PCDHGB4: variants seen among roughly 807,000 people sequenced by gnomAD.
PCDHGB4 encodes protocadherin gamma subfamily B, 4.
In PCDHGB4, 38 loss-of-function variants were observed where a neutral mutation model predicts 60.5. That is an observed-to-expected ratio of 0.63 (90% CI 0.48 to 0.82). The LOEUF is 0.82. PCDHGB4 is among the 40% of genes least tolerant of loss of function. PCDHGB4 has a pLI of 0.00. For synonymous variants in PCDHGB4, 456 were observed against 509.7 expected (o/e 0.89, Z 1.42); for missense variants, 1,109 against 1,209.6 (o/e 0.92, Z 1.23).
At chr5:141,453,319 G>T (rs2098762311) in intron 1 of PCDHGB4, among the ~76,000 whole-genome samples, 1 of 151,492 alleles carries the variant, frequency 6.6e-6, no homozygotes, top group Admixed American at 6.6e-5. Flanking sequence ...TTATTTTAGA[G>T]ATGGGGTCTC....
At chr5:141,428,146 C>T (rs549173211) in intron 1 of PCDHGB4, 15 of 1,589,346 alleles carry the variant, frequency 9.4e-6, no homozygotes, top group East Asian at 2.2e-5. Context: ...GGGCTGCACA[C>T]GGGAACCTGC....
intron 1 of PCDHGB4, chr5:141,404,343 A>G (rs2094516679): frequency 3.1e-6 from 5 of 1,613,902 alleles, no homozygotes; most frequent in Non-Finnish European, 4.2e-6. Flanking sequence ...CTCCCGGAAA[A>G]CAACGCCAGA....
At chr5:141,510,286 A>G (rs1011677966) in intron 3 of PCDHGB4, among the ~76,000 whole-genome samples, 1 of 151,770 alleles carries the variant, frequency 6.6e-6, no homozygotes, top group African/African-American at 2.4e-5. Flanking sequence ...AAAAAAAAAA[A>G]AAAAATGCTG....
In PCDHGB4 at chr5:141,489,750, C is replaced by A. The variant is rs753217170; in HGVS notation, c.2398-5057C>A. 1 of 1,614,098 alleles carries A rather than the reference C, an allele frequency of 6.2e-7. No individual in the cohort carries two copies. The highest frequency in any genetic ancestry group is 1.1e-5 in the South Asian group (1 of 91,080). Reference sequence around the variant, plus strand: ...TGGGCACCAATACTGTGAGCTTTTACACTCTAAGCCCCAACAGCCACTTCT... The same window carrying A: ...TGGGCACCAATACTGTGAGCTTTTAAACTCTAAGCCCCAACAGCCACTTCT... On this transcript the variant is annotated intron_variant, in intron 1 of 3. Coordinates refer to ENST00000519479, the MANE Select transcript of PCDHGB4 (RefSeq NM_003736.4). This position sits in a 1 kb window ranked among gnomAD's most constrained non-coding sequence, Gnocchi z 4.5.
At chr5:141,471,422 A>T (rs919676109) in intron 1 of PCDHGB4, 5 of 152,176 alleles carry the variant, frequency 3.3e-5, no homozygotes, top group Non-Finnish European at 5.9e-5. Context: ...GTTTTTAGCA[A>T]GGAAAGTGTA....
At chr5:141,437,741 CTT>C (rs35124340) in intron 1 of PCDHGB4, among the ~76,000 whole-genome samples, 17 of 141,612 alleles carry the variant, frequency 1.2e-4, no homozygotes, top group Admixed American at 2.1e-4. Flanking sequence ...TTGAGTTCAC[CTT>C]TTTTTTTTTT....
chr5:141,454,587 G>A (rs1000852095), intron 1 of PCDHGB4, among the ~76,000 whole-genome samples: 22 of 150,902 alleles, frequency 1.5e-4, no homozygotes, highest in African/African-American at 5.4e-4. Context: ...TGTATTTTTA[G>A]TAGAGACAGG....
rs1485520054 is a variant in PCDHGB4 at position 141,511,210 on chromosome 5, C to T, written c.*37C>T. 6.2e-7 allele frequency: 1 copy of T among 1,609,328 alleles called. No individual in the cohort carries two copies. The highest frequency in any genetic ancestry group is 1.3e-5 in the African/African-American group (1 of 74,896). ...GGCCAAGAGCCACAGGGCGGCCTCT[C>T]CCCAACCAGCCCAGCTTCTCCTTAC... On this transcript the variant is annotated 3_prime_UTR_variant, in exon 4 of 4. Transcript: ENST00000519479.
chr5:141,479,329 G>A (rs2099493017), intron 1 of PCDHGB4: 1 of 152,490 alleles, frequency 6.6e-6, no homozygotes, highest in African/African-American at 2.4e-5. Context: ...AGACTCAGTG[G>A]TGTGCACCTG....
intron 1 of PCDHGB4, chr5:141,413,019 C>T (rs1056458163): frequency 2.9e-6 from 2 of 683,106 alleles, no homozygotes; most frequent in Non-Finnish European, 4.7e-6. Flanking sequence ...ACTACACAAG[C>T]CCCACAAACC....
At chr5:141,408,317 G>A in intron 1 of PCDHGB4, 1 of 1,613,892 alleles carries the variant, frequency 6.2e-7, no homozygotes, top group Non-Finnish European at 8.5e-7. Context: ...CTCGATTCCG[G>A]AGGAGCTGGC....
intron 1 of PCDHGB4, chr5:141,426,849 G>A (rs749455878): frequency 2.4e-5 from 11 of 456,660 alleles, no homozygotes; most frequent in South Asian, 1.7e-4. Flanking sequence ...AGGCAAGAAC[G>A]CTCCAGAATT....
In PCDHGB4 at chr5:141,409,721, G is replaced by A. The variant is rs892686024; in HGVS notation, c.2397+19440G>A. On this transcript the variant is annotated intron_variant, in intron 1 of 3. Transcript: ENST00000519479. ...CCTGGCGGTGTCGTCATACGTGTCA[G>A]TGAGCGCGCAGAGCGGGGTGGTGTT... The A allele has an allele frequency of 6.8e-6, 11 of 1,613,114 alleles. No homozygotes were observed. The highest frequency in any genetic ancestry group is 6.7e-5 in the East Asian group (3 of 44,892).
rs531546122 is a variant in PCDHGB4, at chr5:141,388,126, G to T, written c.242G>T (p.Ser81Ile). The change falls in exon 1 of 4, where the codon AGC (serine) becomes ATC (isoleucine). Residue 81 changes from serine to isoleucine, a missense_variant. Ser to Ile is a moderately radical substitution (Grantham distance 142). This residue lies in a region of PCDHGB4 where 41 missense variants were observed against 119.7 expected (regional missense o/e 0.34). Transcript: ENST00000519479. Reference sequence around the variant, plus strand: ...CCTTACTTCACCGTGAGCGCAGAGAGCGGGGAGTTGCTTGTGAGCAGCAGG... The same window carrying T: ...CCTTACTTCACCGTGAGCGCAGAGATCGGGGAGTTGCTTGTGAGCAGCAGG... ...EKPYFTVSAESGELLVSSRLD... is the reference protein window; with the variant it reads ...EKPYFTVSAEIGELLVSSRLD... The T allele has an allele frequency of 4.9e-6, 7 of 1,431,030 alleles. No individual in the cohort carries two copies. The highest frequency in any genetic ancestry group is 2.4e-5 in the East Asian group (1 of 41,788). 88.6% of individuals were successfully genotyped at this position (1,431,030 alleles called of 1,614,324 possible). A position where few individuals can be genotyped will look rare whatever the true frequency, so the allele number is the denominator to read the frequency against.
At chr5:141,410,776 A>G (rs2095422946) in intron 1 of PCDHGB4, 7 of 919,622 alleles carry the variant, frequency 7.6e-6, no homozygotes, top group South Asian at 4.0e-5. Context: ...AGTTTTCACT[A>G]TGTATTTGGT....
At chr5:141,413,824 A>G (rs1265406182) in intron 1 of PCDHGB4, 1 of 1,613,114 alleles carries the variant, frequency 6.2e-7, no homozygotes, top group Middle Eastern at 1.6e-4. Context: ...CCTGGTCCTC[A>G]CCGCCTCCGA....
At chr5:141,421,017 T>TGC (rs1489188484) in intron 1 of PCDHGB4, 1 of 518,776 alleles carries the variant, frequency 1.9e-6, no homozygotes, top group African/African-American at 2.0e-5. Flanking sequence ...AATGGGAAGC[T>TGC]GCGCGCCATT....
At position 141,390,167 on chromosome 5, in the gene PCDHGB4, G is replaced by A; in HGVS notation, c.2283G>A (p.Glu761=). ...NLCVAHTGKT[E]FNFLKCSEQL... ...GTGTTGCACATACAGGAAAGACGGA[G>A]TTTAATTTCCTAAAATGTAGTGAGC... The change falls in exon 1 of 4, where the codon GAG becomes GAA. Residue 761 remains glutamate (E), a synonymous_variant. Coordinates refer to ENST00000519479, the MANE Select transcript of PCDHGB4 (RefSeq NM_003736.4). 1 of 1,614,028 alleles carries A rather than the reference G, an allele frequency of 6.2e-7. No homozygotes were observed. Among genetic ancestry groups the A allele is most frequent in the Non-Finnish European group, 8.5e-7 (1 of 1,179,888 alleles).
At chr5:141,460,010 G>A (rs376180479) in intron 1 of PCDHGB4, among the ~76,000 whole-genome samples, 1 of 152,126 alleles carries the variant, frequency 6.6e-6, no homozygotes, top group Admixed American at 6.5e-5. Context: ...CCCAGGAGGC[G>A]GAGGTTGCAG....
Sources: allele counts gnomAD v4.1 joint callset (sites outside exome capture counted in the v4.1 genomes callset), GRCh38; gene constraint gnomAD v4.1.1; regional missense constraint gnomAD v4.1.1; non-coding constraint Gnocchi (gnomAD v3.1); transcripts MANE v1.5; gene names NCBI Gene and HGNC (gene_info 2026-07-23, HGNC 2026-07-21).